The following TMEM225B variants were observed in gnomAD, a reference collection of about 807,000 sequenced individuals.
The protein encoded by TMEM225B is transmembrane protein 225B.
Under a neutral mutation model 16.9 loss-of-function variants are expected in TMEM225B, and 10 were observed. The ratio of observed to expected loss-of-function variants is 0.59; its 90% CI spans 0.36 to 1.00. The LOEUF (loss-of-function observed/expected upper bound fraction) is 1.00. Among genes scored for constraint, TMEM225B ranks in the 50% least tolerant of loss-of-function variants. TMEM225B has a pLI of 0.01. For missense variants in TMEM225B, 217 were observed against 267.0 expected (o/e 0.81, Z 1.30); for synonymous variants, 92 against 109.8 (o/e 0.84, Z 1.01).
At chr7:99,607,602 A>G in intron 4 of TMEM225B, 71 bp from the exon 5 acceptor site, 2 of 1,447,308 alleles carry the variant, frequency 1.4e-6, no homozygotes, top group Non-Finnish European at 1.8e-6. Context: ...CAGGAGCCAC[A>G]GGGGGTGAAG....
At chr7:99,606,656 C>G (rs1320316946) in intron 3 of TMEM225B, 92 bp from the exon 4 acceptor site, 12 of 1,243,110 alleles carry the variant, frequency 9.7e-6, no homozygotes, top group Middle Eastern at 2.5e-4. Context: ...GTGGTGGAGG[C>G]TCCGGGGGCC....
intron 5 of TMEM225B, among the ~76,000 whole-genome samples, chr7:99,609,882 A>C (rs1052645078): frequency 6.6e-6 from 1 of 151,852 alleles, no homozygotes; most frequent in Non-Finnish European, 1.5e-5. Context: ...CTTCAGGCTC[A>C]TGCCATCATG....
chr7:99,599,382 C>G (rs1805147997), intron 1 of TMEM225B, among the ~76,000 whole-genome samples: 1 of 151,936 alleles, frequency 6.6e-6, no homozygotes, highest in Admixed American at 6.6e-5. Context: ...CCAGGGGTTG[C>G]CTGGGCAACA....
At chr7:99,598,786 C>T (rs1207292507) in intron 1 of TMEM225B, among the ~76,000 whole-genome samples, 1 of 152,154 alleles carries the variant, frequency 6.6e-6, no homozygotes, top group Non-Finnish European at 1.5e-5. Context: ...ATCCCCAGAG[C>T]AGCTGCCGAC....
intron 2 of TMEM225B, among the ~76,000 whole-genome samples, chr7:99,600,510 T>G (rs1164454277): frequency 2.0e-5 from 3 of 152,146 alleles, no homozygotes; most frequent in African/African-American, 7.2e-5. Context: ...TTTAATTGAC[T>G]CGCACCACAT....
At chr7:99,600,798 G>A (rs1393924432) in intron 2 of TMEM225B, among the ~76,000 whole-genome samples, 1 of 152,174 alleles carries the variant, frequency 6.6e-6, no homozygotes, top group Non-Finnish European at 1.5e-5. Flanking sequence ...AGGTACAGAG[G>A]CCAGAGGAGC....
intron 1 of TMEM225B, 74 bp from the exon 2 acceptor site, chr7:99,600,131 G>A (rs1805232747): frequency 2.9e-6 from 2 of 696,186 alleles, no homozygotes; most frequent in Non-Finnish European, 5.2e-6. Flanking sequence ...GGTATACCTG[G>A]CCCCAAAGTA....
At chr7:99,602,076 G>A (rs1395994907) in intron 2 of TMEM225B, among the ~76,000 whole-genome samples, 1 of 152,188 alleles carries the variant, frequency 6.6e-6, no homozygotes, top group Admixed American at 6.5e-5. Flanking sequence ...GGTAGGACTT[G>A]GAAAGAAAGA....
At chr7:99,607,134 T>C (rs926172932) in intron 4 of TMEM225B, among the ~76,000 whole-genome samples, 3 of 152,030 alleles carry the variant, frequency 2.0e-5, no homozygotes, top group African/African-American at 4.8e-5. Flanking sequence ...ACTCTAGGCA[T>C]GTGCCACCAT....
chr7:99,605,767 T>C (rs991459652), intron 3 of TMEM225B, among the ~76,000 whole-genome samples: 1 of 152,148 alleles, frequency 6.6e-6, no homozygotes, highest in Non-Finnish European at 1.5e-5. Context: ...TTAAAATTTC[T>C]TGTAGAGATG....
rs1806283125 is a variant in TMEM225B at position 99,610,930 on chromosome 7, A to G, written c.*365A>G. 5.4e-6 allele frequency: 1 copy of G among 184,000 alleles called. No homozygotes were observed. Among genetic ancestry groups the G allele is most frequent in the Non-Finnish European group, 1.2e-5 (1 of 86,614 alleles). The allele number at this position is 184,000 out of a possible 1,614,324, so 11.4% of individuals were successfully genotyped here. On this transcript the variant is annotated 3_prime_UTR_variant, in exon 6 of 6. Coordinates refer to ENST00000431679, the MANE Select transcript of TMEM225B (RefSeq NM_001195541.3). ...TTGTGAAACAGAAACCGTACAGAATACAGAATATACTCGGGGGAATGACAA... is the reference window on the plus strand; with the variant it reads ...TTGTGAAACAGAAACCGTACAGAATGCAGAATATACTCGGGGGAATGACAA...
intron 4 of TMEM225B, 22 bp from the exon 5 acceptor site, chr7:99,607,651 G>A (rs1232590952): frequency 2.0e-6 from 3 of 1,530,528 alleles, no homozygotes; most frequent in South Asian, 2.4e-5. Context: ...GAGACCGAGG[G>A]TGTCTCCCTG....
intron 2 of TMEM225B, among the ~76,000 whole-genome samples, chr7:99,600,893 G>A (rs957025585): frequency 2.0e-5 from 3 of 152,080 alleles, no homozygotes; most frequent in Non-Finnish European, 4.4e-5. Context: ...GGAACTTTAT[G>A]AAGGGAAAAC....
At chr7:99,608,573 A>G (rs564270203) in intron 5 of TMEM225B, among the ~76,000 whole-genome samples, 3 of 137,918 alleles carry the variant, frequency 2.2e-5, no homozygotes, top group Non-Finnish European at 3.1e-5. Context: ...TTTAAGAGAT[A>G]GGGTCTTGCT....
At chr7:99,607,628 G>T in intron 4 of TMEM225B, 45 bp from the exon 5 acceptor site, 1 of 1,505,622 alleles carries the variant, frequency 6.6e-7, no homozygotes, top group Non-Finnish European at 8.8e-7. Context: ...AGGGAAGGCG[G>T]GTAGCATGGG....
chr7:99,601,981 C>T (rs1233240503), intron 2 of TMEM225B, among the ~76,000 whole-genome samples: 1 of 152,200 alleles, frequency 6.6e-6, no homozygotes, highest in Non-Finnish European at 1.5e-5. Context: ...GGGCCTTGTG[C>T]TCTCTACTGC....
chr7:99,609,217 C>A (rs1031272268), intron 5 of TMEM225B, among the ~76,000 whole-genome samples: 1 of 152,002 alleles, frequency 6.6e-6, no homozygotes, highest in Non-Finnish European at 1.5e-5. Flanking sequence ...TTCTTAATTT[C>A]CCCTTCACCA....
rs1245067450 is a variant in TMEM225B, at chr7:99,608,269, A to G, written c.493+459A>G. 2.0e-5 allele frequency among the ~76,000 whole-genome samples: 3 copies of G among 152,076 alleles called. No individual in the cohort carries two copies. The East Asian group carries it at 5.8e-4, about 29-fold the overall frequency. On this transcript the variant is annotated intron_variant, in intron 5 of 5. Coordinates refer to ENST00000431679, the MANE Select transcript of TMEM225B (RefSeq NM_001195541.3). ...AACTCCATCTCTAAAATAAAATAAA[A>G]AGTTATGAATTCAGTTCCTCAGCCA...
chr7:99,607,831 G>A (rs932016089), intron 5 of TMEM225B, 21 bp downstream of exon 5: 107 of 1,533,112 alleles, frequency 7.0e-5, no homozygotes, highest in Admixed American at 2.0e-4. Flanking sequence ...AGGGAACAGT[G>A]CCCTGCTTCT....
Sources: gnomAD v4.1 joint callset for allele counts (sites outside exome capture counted in the v4.1 genomes callset) on GRCh38, gnomAD v4.1.1 for gene constraint, MANE v1.5 for transcripts, NCBI Gene and HGNC (gene_info 2026-07-23, HGNC 2026-07-21) for gene names.